Variants in SBNO1 observed in about 807,000 individuals in gnomAD.
The protein encoded by SBNO1 is strawberry notch homolog 1, also known as protein strawberry notch homolog 1.
A neutral mutation model predicts 173.6 loss-of-function variants in SBNO1; 23 were observed. The observed-to-expected ratio is 0.13, with a 90% confidence interval of 0.10 to 0.19. SBNO1 has a LOEUF of 0.19. SBNO1 is among the 10% of genes least tolerant of loss of function. The pLI is 1.00. For synonymous variants in SBNO1, 632 were observed against 571.5 expected, an observed-to-expected ratio of 1.11 and a Z score of -1.51; for missense variants, 1,238 against 1,671.2, an observed-to-expected ratio of 0.74 and a Z score of 4.52.
chr12:123,320,818 T>A lies in SBNO1; in HGVS notation c.2372A>T (p.Lys791Met). 6.3e-7 allele frequency: 1 copy of A among 1,594,688 alleles called. No homozygotes were observed. Among genetic ancestry groups the A allele is most frequent in the Non-Finnish European group, 8.5e-7 (1 of 1,171,536 alleles). The stretch of plus-strand genomic sequence containing the variant: ...AGAATCTGGATCTATACTTTTCTTC[T>A]TTTTTTTCTCTTTGTTTTTCTTGTG... Reference protein sequence around the residue: ...KDHKKNKEKKKKKSIDPDSIQ... With the variant: ...KDHKKNKEKKMKKSIDPDSIQ... The change falls in exon 18 of 32, where the codon AAG becomes ATG. Residue 791 changes from lysine (K) to methionine (M), a missense_variant. By Grantham distance (95) the Lys-to-Met change is moderately conservative. Transcript: ENST00000602398.
chr12:123,341,088 G>A lies in SBNO1; in HGVS notation c.551C>T (p.Thr184Ile), dbSNP rs116725625. ...NIAQPVATAATDVSNGTVKKE... is the reference protein window; with the variant it reads ...NIAQPVATAAIDVSNGTVKKE... ...CTTTACTGTACCATTGCTTACATCA[G>A]CTGAGGAGGAAAAAGTCAAATTACA... Residue 184 changes from threonine to isoleucine, a missense_variant and splice_region_variant, in exon 5 of 32, where the codon ACT becomes ATT. Physicochemically the swap from Thr to Ile is moderately conservative, Grantham distance 89. Transcript: ENST00000602398. 1.0e-3 allele frequency: 1,527 copies of A among 1,503,054 alleles called. 24 individuals are homozygous for A. In the African/African-American group the frequency reaches 0.02, roughly 20 times the overall value. 93.1% of individuals were successfully genotyped at this position (1,503,054 alleles called of 1,614,324 possible). A position where few individuals can be genotyped will look rare whatever the true frequency, so the allele number is the denominator to read the frequency against.
rs34201657 is a variant in SBNO1 at position 123,302,239 on chromosome 12, T to A, written c.3845+585A>T. 6.0e-4 allele frequency among the ~76,000 whole-genome samples: 75 copies of A among 124,774 alleles called. 1 individual carries two copies. The highest frequency in any genetic ancestry group is 4.2e-4 in the Admixed American group (5 of 11,792). The allele number at this position is 124,774 out of a possible 152,430, so 81.9% of individuals were successfully genotyped here. On this transcript the variant is annotated intron_variant, in intron 30 of 31. Transcript: ENST00000602398. The stretch of plus-strand genomic sequence containing the variant: ...TAAGCCACCACACCTGGCCTTATTG[T>A]TTTTTTTTTTGTTTTTTTTTTTTAA...
intron 13 of SBNO1, among the ~76,000 whole-genome samples, chr12:123,326,781 G>A (rs923347686): frequency 6.6e-6 from 1 of 151,950 alleles, no homozygotes; most frequent in South Asian, 2.1e-4. Context: ...ACAAAAATCA[G>A]CCAGGCACAT....
intron 16 of SBNO1, among the ~76,000 whole-genome samples, chr12:123,322,668 G>C (rs1463965792): frequency 6.6e-6 from 1 of 151,914 alleles, no homozygotes; most frequent in East Asian, 1.9e-4. Flanking sequence ...CACTTTGGGA[G>C]GCCTAGGTGG....
In SBNO1 at chr12:123,291,565, G is replaced by T. The variant is rs553647641; in HGVS notation, c.*4343C>A. 4.0e-5 allele frequency: 6 copies of T among 149,738 alleles called. No homozygotes were observed. In the South Asian group the frequency reaches 1.3e-3, roughly 31 times the overall value. The allele number at this position is 149,738 out of a possible 1,614,324, so 9.3% of individuals were successfully genotyped here. ...CAATGCATTGCACACAACACAATAAGACATAGTAAAAAACATTAACACAAA... is the reference window on the plus strand; with the variant it reads ...CAATGCATTGCACACAACACAATAATACATAGTAAAAAACATTAACACAAA... On this transcript the variant is annotated 3_prime_UTR_variant, in exon 32 of 32. Coordinates refer to ENST00000602398, the MANE Select transcript of SBNO1 (RefSeq NM_001167856.3).
chr12:123,323,459 A>G (rs950352808), intron 16 of SBNO1, among the ~76,000 whole-genome samples: 4 of 152,006 alleles, frequency 2.6e-5, no homozygotes, highest in Admixed American at 1.3e-4. Context: ...GGTTCACGAC[A>G]TTCTCCTGCC....
chr12:123,293,158 G>A lies in SBNO1; in HGVS notation c.*2750C>T, dbSNP rs1003729181. Reference sequence around the variant, plus strand: ...AGTGGACATGGGGTTAATTAAACAAGGCCTCTGAATTCAGGTGTGGCATTT... The same window carrying A: ...AGTGGACATGGGGTTAATTAAACAAAGCCTCTGAATTCAGGTGTGGCATTT... On this transcript the variant is annotated 3_prime_UTR_variant, in exon 32 of 32. Transcript: ENST00000602398. The A allele has an allele frequency of 6.6e-6, 1 of 152,162 alleles. No homozygotes were observed. The highest frequency in any genetic ancestry group is 2.4e-5 in the African/African-American group (1 of 41,426). The allele number at this position is 152,162 out of a possible 1,614,324, so 9.4% of individuals were successfully genotyped here. A position where few individuals can be genotyped will look rare whatever the true frequency, so the allele number is the denominator to read the frequency against.
At position 123,320,492 on chromosome 12, in the gene SBNO1, G is replaced by A. The variant is rs1218108946; in HGVS notation, c.2607C>T (p.Leu869=). 1.2e-6 allele frequency: 2 copies of A among 1,614,110 alleles called. No homozygotes were observed. Among genetic ancestry groups the A allele is most frequent in the Non-Finnish European group, 1.7e-6 (2 of 1,180,008 alleles). Residue 869 remains leucine, a synonymous_variant, in exon 19 of 32, where the codon CTC becomes CTT. Transcript: ENST00000602398. The part of the protein sequence containing the change: ...LDKLEKLAED[L]PPNTLDELID... ...TAAGTTCATCCAGGGTATTAGGGGGGAGGTCTTCAGCTAATTTTTCTAGCT... is the reference window on the plus strand; with the variant it reads ...TAAGTTCATCCAGGGTATTAGGGGGAAGGTCTTCAGCTAATTTTTCTAGCT...
chr12:123,313,201 AAAATAAATAAATAAATAAATAAATAAAT>A lies in SBNO1; in HGVS notation c.3220+391_3220+418del, dbSNP rs370130754. Among the ~76,000 whole-genome samples the A allele has an allele frequency of 8.7e-4, 121 of 138,352 alleles. 1 individual carries two copies. The highest frequency in any genetic ancestry group is 3.0e-3 in the South Asian group (13 of 4,394). The allele number at this position is 138,352 out of a possible 152,430, so 90.8% of individuals were successfully genotyped here. A position where few individuals can be genotyped will look rare whatever the true frequency, so the allele number is the denominator to read the frequency against. ...TGGCGACAGAGCAAGACTCGGTCTT[AAAATAAATAAATAAATAAATAAATAAAT>A]AAATAAATAAATAAATAAATAAATA... On this transcript the variant is annotated intron_variant, in intron 24 of 31. Transcript: ENST00000602398.
intron 30 of SBNO1, among the ~76,000 whole-genome samples, chr12:123,301,448 A>C (rs566136961): frequency 1.3e-5 from 2 of 152,360 alleles, no homozygotes; most frequent in East Asian, 3.9e-4. Context: ...CAAAACAAAC[A>C]AAAAGCCCCT....
chr12:123,299,261 G>A (rs948149091), intron 30 of SBNO1, among the ~76,000 whole-genome samples: 4 of 151,912 alleles, frequency 2.6e-5, no homozygotes, highest in Admixed American at 2.0e-4. Context: ...CCAGCTACTC[G>A]GGAAGCTGAG....
chr12:123,312,384 T>C (rs1868690428), intron 24 of SBNO1, among the ~76,000 whole-genome samples: 2 of 152,198 alleles, frequency 1.3e-5, no homozygotes, highest in African/African-American at 4.8e-5. Flanking sequence ...CATATCAGTA[T>C]GTGCTAATCT....
Position 123,320,809 on chromosome 12 carries a change from C to G in SBNO1, c.2381G>C (p.Ser794Thr). The G allele has an allele frequency of 1.3e-6, 2 of 1,599,812 alleles. No homozygotes were observed. The highest frequency in any genetic ancestry group is 2.2e-5 in the East Asian group (1 of 44,744). The stretch of plus-strand genomic sequence containing the variant: ...ACTTTGAATAGAATCTGGATCTATA[C>G]TTTTCTTCTTTTTTTTCTCTTTGTT... ...KKNKEKKKKK[S>T]IDPDSIQSAL... is the part of the protein sequence containing the mutation. The change falls in exon 18 of 32, where the codon AGT becomes ACT. Residue 794 changes from serine (S) to threonine (T), a missense_variant. This residue lies in a region of SBNO1 where 33 missense variants were observed against 29.6 expected (regional missense o/e 1.11). Coordinates refer to ENST00000602398, the MANE Select transcript of SBNO1 (RefSeq NM_001167856.3).
chr12:123,302,078 C>T (rs946663435), intron 30 of SBNO1, among the ~76,000 whole-genome samples: 31 of 151,562 alleles, frequency 2.0e-4, no homozygotes, highest in African/African-American at 5.6e-4. Context: ...GCTGAGATTA[C>T]AGGCATGCGC....
chr12:123,364,400 G>C (rs28697919), intron 1 of SBNO1: 10 of 985,384 alleles, frequency 1.0e-5, no homozygotes, highest in South Asian at 4.7e-5. Context: ...CGGTCCAAGA[G>C]GGGTGCCTCC....
chr12:123,311,140 AG>A lies in SBNO1; in HGVS notation c.3221-12del. On this transcript the variant is annotated splice_polypyrimidine_tract_variant and intron_variant, in intron 24 of 31. Coordinates refer to ENST00000602398, the MANE Select transcript of SBNO1 (RefSeq NM_001167856.3). Reference sequence around the variant, plus strand: ...GTCCTTGTCGAACATCTGTAAGAACAGGATCAATTCTGACTCATAAATTACA... The same window carrying A: ...GTCCTTGTCGAACATCTGTAAGAACAGATCAATTCTGACTCATAAATTACA... The A allele has an allele frequency of 6.2e-7, 1 of 1,604,858 alleles. No homozygotes were observed.
At chr12:123,349,444 T>C (rs1180768375) in intron 2 of SBNO1, among the ~76,000 whole-genome samples, 1 of 152,010 alleles carries the variant, frequency 6.6e-6, no homozygotes, top group Non-Finnish European at 1.5e-5. Flanking sequence ...TATAATGAAA[T>C]CACAGAAGAA....
intron 1 of SBNO1, among the ~76,000 whole-genome samples, chr12:123,356,429 A>C (rs1293205199): frequency 6.6e-6 from 1 of 152,092 alleles, no homozygotes; most frequent in Non-Finnish European, 1.5e-5. Flanking sequence ...CTTTCATACT[A>C]GTCTTTGGGT....
At chr12:123,309,877 C>T (rs200446253) in intron 25 of SBNO1, 21 bp from the exon 26 acceptor site, 13 of 1,540,348 alleles carry the variant, frequency 8.4e-6, no homozygotes, top group Admixed American at 8.4e-5. Context: ...AAAAGATAAA[C>T]GTTTTCATGC....
Sources: gnomAD v4.1 joint callset for allele counts (sites outside exome capture counted in the v4.1 genomes callset) on GRCh38, gnomAD v4.1.1 for gene constraint, gnomAD v4.1.1 regional missense constraint, MANE v1.5 for transcripts, NCBI Gene and HGNC (gene_info 2026-07-23, HGNC 2026-07-21) for gene names.